Variants in PLEKHM3 observed in about 807,000 individuals in gnomAD.
PLEKHM3 encodes pleckstrin homology domain-containing family M member 3.
PLEKHM3 carries 45 observed loss-of-function variants against 81.8 expected under a neutral mutation model. The observed-to-expected ratio is 0.55, with a 90% CI of 0.43 to 0.71. The LOEUF (loss-of-function observed/expected upper bound fraction) is 0.71, where lower values mean the gene tolerates loss of function less well. Ranked by LOEUF, PLEKHM3 falls within the 30% of genes least tolerant of loss-of-function variation. The pLI is 0.00. For missense variants in PLEKHM3, 788 were observed against 924.3 expected, an observed-to-expected ratio of 0.85 and a Z score of 1.91; for synonymous variants, 352 against 356.4, an observed-to-expected ratio of 0.99 and a Z score of 0.14.
intron 3 of PLEKHM3, among the ~76,000 whole-genome samples, chr2:207,950,823 C>T (rs919805864): frequency 1.3e-5 from 2 of 152,180 alleles, no homozygotes; most frequent in Non-Finnish European, 2.9e-5. Context: ...TATGTAGAAA[C>T]AACCTGACTT....
chr2:207,857,705 C>G (rs1468669312), intron 7 of PLEKHM3, among the ~76,000 whole-genome samples: 1 of 151,836 alleles, frequency 6.6e-6, no homozygotes, highest in Admixed American at 6.6e-5. Context: ...TCTTTTCATT[C>G]CTGATTTTGG....
At chr2:207,972,825 A>G (rs1691175758) in intron 3 of PLEKHM3, among the ~76,000 whole-genome samples, 1 of 152,232 alleles carries the variant, frequency 6.6e-6, no homozygotes, top group Non-Finnish European at 1.5e-5. Flanking sequence ...TAAATTTTAA[A>G]GAAGGATATA....
At chr2:207,961,786 A>G (rs1253198753) in intron 3 of PLEKHM3, among the ~76,000 whole-genome samples, 1 of 152,128 alleles carries the variant, frequency 6.6e-6, no homozygotes, top group Non-Finnish European at 1.5e-5. Flanking sequence ...CCAAAAAGAT[A>G]TCACCAGAAA....
In PLEKHM3 at chr2:207,976,735, G is replaced by A. The variant is rs1292830344; in HGVS notation, c.1462C>T (p.Gln488Ter). The A allele has an allele frequency of 1.2e-6, 2 of 1,614,236 alleles. No homozygotes were observed. Among genetic ancestry groups the A allele is most frequent in the Admixed American group, 1.7e-5 (1 of 60,022 alleles). ...GGHELRKNKR[Q>*]SVTTSFLSIL... is the part of the protein sequence containing the mutation. ...CTCAGGAAGCTGGTAGTCACAGATT[G>A]GCGTTTGTTCTTCCTGAGTTCATGC... Residue 488 changes from glutamine (Q) to a stop codon, truncating the protein, a stop_gained, in exon 3 of 8, where the codon CAA becomes TAA. Coordinates refer to ENST00000427836, the MANE Select transcript of PLEKHM3 (RefSeq NM_001080475.3). LOFTEE classifies it high-confidence loss of function. This position sits in a 1 kb window ranked among gnomAD's most constrained non-coding sequence, Gnocchi z 4.1.
At chr2:207,870,559 A>G (rs556870189) in intron 6 of PLEKHM3, among the ~76,000 whole-genome samples, 1 of 152,350 alleles carries the variant, frequency 6.6e-6, no homozygotes, top group South Asian at 2.1e-4. Context: ...ATAATTTCCC[A>G]TATAGTTCAG....
intron 3 of PLEKHM3, among the ~76,000 whole-genome samples, chr2:207,958,611 T>C (rs1472129165): frequency 2.0e-5 from 3 of 152,160 alleles, no homozygotes; most frequent in African/African-American, 7.2e-5. Flanking sequence ...GGAAGATGTC[T>C]AATTAAATAA....
intron 6 of PLEKHM3, among the ~76,000 whole-genome samples, chr2:207,907,300 G>A (rs879463815): frequency 1.3e-5 from 2 of 152,034 alleles, no homozygotes; most frequent in African/African-American, 2.4e-5. Context: ...TCAGGAGTTC[G>A]AGACCAGCCT....
At chr2:207,860,808 C>T (rs2092463409) in intron 7 of PLEKHM3, among the ~76,000 whole-genome samples, 1 of 152,152 alleles carries the variant, frequency 6.6e-6, no homozygotes, top group Non-Finnish European at 1.5e-5. Context: ...TAAGATGCTT[C>T]CTCCCCAGTC....
intron 6 of PLEKHM3, among the ~76,000 whole-genome samples, chr2:207,865,143 T>C (rs576207141): frequency 4.6e-5 from 7 of 152,220 alleles, no homozygotes; most frequent in Non-Finnish European, 8.8e-5. Flanking sequence ...ATAATGGTAC[T>C]AGTGGTTATT....
At chr2:207,852,591 G>A (rs530524467) in intron 7 of PLEKHM3, among the ~76,000 whole-genome samples, 21 of 152,186 alleles carry the variant, frequency 1.4e-4, no homozygotes, top group South Asian at 4.2e-4. Flanking sequence ...AAATGAAAAC[G>A]TTAAAACTGA....
rs149032412 is a variant in PLEKHM3 at position 207,849,099 on chromosome 2, C to T, written c.2108+12006G>A. Reference sequence around the variant, plus strand: ...CTGTAATCTTGGCACTTTTGGAGGCCGAGGCGGGCGGATCACTGGAGGCCA... The same window carrying T: ...CTGTAATCTTGGCACTTTTGGAGGCTGAGGCGGGCGGATCACTGGAGGCCA... On this transcript the variant is annotated intron_variant, in intron 7 of 7. Transcript: ENST00000427836. Among the ~76,000 whole-genome samples, 680 of 152,100 alleles carry T rather than the reference C, an allele frequency of 4.5e-3. 3 individuals are homozygous for T. Among genetic ancestry groups the T allele is most frequent in the African/African-American group, 0.014 (599 of 41,486 alleles).
intron 5 of PLEKHM3, chr2:207,929,766 T>C (rs1689524871): frequency 1.9e-6 from 1 of 525,572 alleles, no homozygotes; most frequent in East Asian, 3.0e-5. Context: ...CTAGATATTA[T>C]ATATCCTTTA....
intron 7 of PLEKHM3, among the ~76,000 whole-genome samples, chr2:207,834,935 A>C (rs1184465615): frequency 6.6e-6 from 1 of 150,990 alleles, no homozygotes; most frequent in Non-Finnish European, 1.5e-5. Flanking sequence ...GTTAGGTTTC[A>C]ACAACTTGTT....
At chr2:207,837,935 T>C (rs2092329853) in intron 7 of PLEKHM3, among the ~76,000 whole-genome samples, 1 of 150,368 alleles carries the variant, frequency 6.7e-6, no homozygotes, top group East Asian at 2.0e-4. Context: ...CACGCCCGGC[T>C]AATTTTTTGT....
Position 207,977,587 on chromosome 2 carries a change from C to T in PLEKHM3, c.611-1G>A. On this transcript the variant is annotated splice_acceptor_variant, in intron 2 of 7. Transcript: ENST00000427836. LOFTEE classifies it high-confidence loss of function. ...ATGTTTGGGAATGTCTGCTTGTGTT[C>T]TAGAAAGGAAAAGAGAGGCAAAGTA... 6.3e-7 allele frequency: 1 copy of T among 1,593,482 alleles called. No individual in the cohort carries two copies. Among genetic ancestry groups the T allele is most frequent in the Non-Finnish European group, 8.5e-7 (1 of 1,171,862 alleles).
rs555911966 is a variant in PLEKHM3 at position 207,903,015 on chromosome 2, CTT to C, written c.1950+5497_1950+5498del. Among the ~76,000 whole-genome samples, 1,048 of 152,204 alleles carry C rather than the reference CTT, an allele frequency of 6.9e-3. 19 individuals carry two copies. Among genetic ancestry groups the C allele is most frequent in the African/African-American group, 0.023 (968 of 41,524 alleles). ...GTCACTCCTCTCTCTTTTCATGGCT[CTT>C]GAGTGCTGTGGGTCCTCCCACCTGG... On this transcript the variant is annotated intron_variant, in intron 6 of 7. Transcript: ENST00000427836.
intron 3 of PLEKHM3, among the ~76,000 whole-genome samples, chr2:207,965,760 C>T (rs532894890): frequency 3.9e-5 from 6 of 152,166 alleles, no homozygotes; most frequent in African/African-American, 1.4e-4. Flanking sequence ...CTTAAGACTG[C>T]AAAAAGTAAA....
intron 1 of PLEKHM3, among the ~76,000 whole-genome samples, chr2:208,012,647 A>T (rs1574491489): frequency 6.6e-6 from 1 of 152,328 alleles, no homozygotes; most frequent in East Asian, 1.9e-4. Flanking sequence ...TAAATTTATG[A>T]CACCAGGAAA....
In PLEKHM3 at chr2:207,856,198, T is replaced by C. The variant is rs532729109; in HGVS notation, c.2108+4907A>G. Among the ~76,000 whole-genome samples, 120 of 152,306 alleles carry C rather than the reference T, an allele frequency of 7.9e-4. 4 individuals are homozygous for C. The South Asian group carries it at 0.024, about 31-fold the overall frequency. ...GAATAGTTTTAGATTAAGAGAAAAA[T>C]TGGGCAGAGAGTTCCCATATTCCAC... On this transcript the variant is annotated intron_variant, in intron 7 of 7. Coordinates refer to ENST00000427836, the MANE Select transcript of PLEKHM3 (RefSeq NM_001080475.3).
Sources: gnomAD v4.1 joint callset for allele counts (sites outside exome capture counted in the v4.1 genomes callset) on GRCh38, gnomAD v4.1.1 for gene constraint, Gnocchi (gnomAD v3.1) non-coding constraint, MANE v1.5 for transcripts, NCBI Gene and HGNC (gene_info 2026-07-23, HGNC 2026-07-21) for gene names.